The following PEMT variants were observed in gnomAD, a reference collection of about 807,000 sequenced individuals.
The protein encoded by PEMT is phospholipid methyltransferase.
A neutral mutation model predicts 27.4 loss-of-function variants in PEMT; 23 were observed. That is an observed-to-expected ratio of 0.84 (90% CI 0.60 to 1.19). The LOEUF is 1.19. Among genes scored for constraint, PEMT ranks in the 50% most tolerant of loss-of-function variants. The probability of loss-of-function intolerance (pLI) is 0.00; values close to 1 mark genes in which losing one functional copy is unlikely to be tolerated. For synonymous variants in PEMT, 137 were observed against 139.1 expected (o/e 0.98, Z 0.11); for missense variants, 307 against 310.1 (o/e 0.99, Z 0.07).
intron 2 of PEMT, among the ~76,000 whole-genome samples, chr17:17,528,769 A>G (rs563481743): frequency 6.6e-6 from 1 of 152,302 alleles, no homozygotes; most frequent in East Asian, 1.9e-4. Flanking sequence ...TCAGGGCTCC[A>G]CTGGCATCAG....
At chr17:17,572,344 A>G (rs1456597462) in intron 2 of PEMT, among the ~76,000 whole-genome samples, 6 of 152,074 alleles carry the variant, frequency 3.9e-5, no homozygotes, top group Non-Finnish European at 8.8e-5. Flanking sequence ...AGTCCAGGGA[A>G]TGTCTCTCCC....
rs561240000 is a variant in PEMT at position 17,535,995 on chromosome 17, T to C, written c.205-13600A>G. ...GTTCTGTGAGGGCCTTGGTCCAGTGTCTGGCAACGACTCCCTTATTCTGCC... is the reference window on the plus strand; with the variant it reads ...GTTCTGTGAGGGCCTTGGTCCAGTGCCTGGCAACGACTCCCTTATTCTGCC... On this transcript the variant is annotated intron_variant, in intron 2 of 6. Coordinates refer to ENST00000255389, the MANE Select transcript of PEMT (RefSeq NM_148172.3). 3.3e-5 allele frequency among the ~76,000 whole-genome samples: 5 copies of C among 152,288 alleles called. No individual in the cohort carries two copies. In the South Asian group the frequency reaches 1.0e-3, roughly 32 times the overall value.
At chr17:17,522,247 G>A in intron 3 of PEMT, 33 bp downstream of exon 3, 1 of 1,500,006 alleles carries the variant, frequency 6.7e-7, no homozygotes, top group Non-Finnish European at 9.3e-7. Context: ...TAGCCCAGGG[G>A]TTGTGGCTCC....
At chr17:17,529,017 T>C (rs1907903620) in intron 2 of PEMT, among the ~76,000 whole-genome samples, 2 of 152,236 alleles carry the variant, frequency 1.3e-5, no homozygotes, top group Admixed American at 1.3e-4. Context: ...CCTGGACCCC[T>C]CTCCCTTCTC....
At chr17:17,562,144 G>A (rs4646368) in intron 2 of PEMT, among the ~76,000 whole-genome samples, 66,376 of 152,126 alleles carry the variant, frequency 0.44, 15,268 homozygotes, top group Non-Finnish European at 0.52. Context: ...AGAGGCATAG[G>A]GGGCATGAAG....
chr17:17,517,716 T>G (rs1245777860), intron 3 of PEMT, among the ~76,000 whole-genome samples: 1 of 152,218 alleles, frequency 6.6e-6, no homozygotes, highest in Non-Finnish European at 1.5e-5. Flanking sequence ...GGGTTGCACC[T>G]GCCCCACGGC....
intron 1 of PEMT, 78 bp from the exon 2 acceptor site, chr17:17,577,105 A>G: frequency 9.3e-7 from 1 of 1,077,982 alleles, no homozygotes; most frequent in East Asian, 2.4e-5. Flanking sequence ...AGAAAAAGTT[A>G]CCCTCTGGGA....
chr17:17,562,499 A>C (rs528829768), intron 2 of PEMT, among the ~76,000 whole-genome samples: 6 of 152,344 alleles, frequency 3.9e-5, no homozygotes, highest in Non-Finnish European at 2.9e-5. Context: ...CTGTTGGGGA[A>C]CATGTGCCTT....
At chr17:17,509,578 A>G (rs771328749) in intron 4 of PEMT, 33 bp from the exon 5 acceptor site, 14 of 1,454,218 alleles carry the variant, frequency 9.6e-6, no homozygotes, top group South Asian at 2.3e-5. Flanking sequence ...TCCCTCGGCT[A>G]TTCATCAGCC....
rs1433216116 is a variant in PEMT at position 17,512,660 on chromosome 17, G to A, written c.321-6C>T. The stretch of plus-strand genomic sequence containing the variant: ...TCAGCATGGCCTGCGTGAAGCTGTG[G>A]GCAGGGGATGGAGAGGGAGGACGTC... On this transcript the variant is annotated splice_polypyrimidine_tract_variant and splice_region_variant and intron_variant, in intron 3 of 6. Coordinates refer to ENST00000255389, the MANE Select transcript of PEMT (RefSeq NM_148172.3). The surrounding 1 kb of genome is among the most constrained non-coding windows in gnomAD (Gnocchi z 6.3). The A allele has an allele frequency of 6.6e-7, 1 of 1,516,272 alleles. No individual in the cohort carries two copies. The highest frequency in any genetic ancestry group is 8.9e-7 in the Non-Finnish European group (1 of 1,124,348). 93.9% of individuals were successfully genotyped at this position (1,516,272 alleles called of 1,614,324 possible).
chr17:17,571,842 G>T (rs1159369248), intron 2 of PEMT, among the ~76,000 whole-genome samples: 1 of 151,992 alleles, frequency 6.6e-6, no homozygotes, highest in Non-Finnish European at 1.5e-5. Flanking sequence ...CCCAGTAGCC[G>T]GTGCTCACCA....
intron 2 of PEMT, among the ~76,000 whole-genome samples, chr17:17,553,964 G>A (rs1909858612): frequency 6.6e-6 from 1 of 152,222 alleles, no homozygotes; most frequent in Admixed American, 6.5e-5. Context: ...CCCAGCCAGG[G>A]GTGGGGTGGG....
intron 2 of PEMT, among the ~76,000 whole-genome samples, chr17:17,568,154 T>A (rs1910957496): frequency 6.6e-6 from 1 of 152,084 alleles, no homozygotes; most frequent in African/African-American, 2.4e-5. Flanking sequence ...GGCCCACCTG[T>A]AGTCCACCTT....
chr17:17,579,090 G>A (rs73300562), intron 1 of PEMT, among the ~76,000 whole-genome samples: 6,017 of 152,224 alleles, frequency 0.04, 395 homozygotes, highest in African/African-American at 0.14. Flanking sequence ...TTGGGGAAGC[G>A]GTGGGGAGGA....
At chr17:17,591,997 G>C, upstream of PEMT, 1 of 985,476 alleles carries the variant, frequency 1.0e-6, no homozygotes. Context: ...TGGCGGCGGT[G>C]GGGCTAGAGG....
intron 2 of PEMT, among the ~76,000 whole-genome samples, chr17:17,537,090 C>T (rs960719773): frequency 2.0e-5 from 3 of 152,206 alleles, no homozygotes; most frequent in Admixed American, 6.5e-5. Context: ...TCAGGCTGGA[C>T]GATGACAATA....
In PEMT at chr17:17,539,999, G is replaced by C. The variant is rs374892470; in HGVS notation, c.205-17604C>G. On this transcript the variant is annotated intron_variant, in intron 2 of 6. Transcript: ENST00000255389. The stretch of plus-strand genomic sequence containing the variant: ...GGAGGGCCCACCCCAGGAGTGCAGG[G>C]ACAGGGGAGGACAAGGAACAAAGGC... 2.6e-3 allele frequency among the ~76,000 whole-genome samples: 392 copies of C among 152,362 alleles called. 3 individuals carry two copies. The highest frequency in any genetic ancestry group is 8.9e-3 in the African/African-American group (371 of 41,590).
intron 1 of PEMT, among the ~76,000 whole-genome samples, chr17:17,589,272 AT>A (rs573309051): frequency 0.14 from 18,821 of 138,464 alleles, 1,382 homozygotes; most frequent in African/African-American, 0.21. Context: ...CCAACAGCTG[AT>A]TTTTTTTTTT....
intron 2 of PEMT, among the ~76,000 whole-genome samples, chr17:17,550,518 C>G (rs965743516): frequency 6.6e-6 from 1 of 152,176 alleles, no homozygotes; most frequent in Non-Finnish European, 1.5e-5. Flanking sequence ...GCCACAGCAC[C>G]TCCTACCACC....
Sources: gnomAD v4.1 joint callset for allele counts (sites outside exome capture counted in the v4.1 genomes callset) on GRCh38, gnomAD v4.1.1 for gene constraint, Gnocchi (gnomAD v3.1) non-coding constraint, MANE v1.5 for transcripts, NCBI Gene and HGNC (gene_info 2026-07-23, HGNC 2026-07-21) for gene names.